The following NIBAN2 variants were observed in gnomAD, a reference collection of about 807,000 sequenced individuals.
NIBAN2 encodes niban apoptosis regulator 2.
Under a neutral mutation model 81.8 loss-of-function variants are expected in NIBAN2, and 36 were observed. The observed-to-expected ratio is 0.44, with a 90% CI of 0.34 to 0.58. The LOEUF (loss-of-function observed/expected upper bound fraction) is 0.58, where lower values mean the gene tolerates loss of function less well. Ranked by LOEUF, NIBAN2 falls within the 20% of genes least tolerant of loss-of-function variation. The pLI is 0.02. For missense variants in NIBAN2, 897 were observed against 1,014.1 expected (o/e 0.88, Z 1.57); for synonymous variants, 445 against 441.6 (o/e 1.01, Z -0.10).
chr9:127,523,903 A>G, intron 4 of NIBAN2, 57 bp from the exon 5 acceptor site: 1 of 1,558,202 alleles, frequency 6.4e-7, no homozygotes. Context: ...CCACCAGAGG[A>G]TGTCAGAGAA....
chr9:127,548,490 ACT>A (rs1428842604), intron 1 of NIBAN2, among the ~76,000 whole-genome samples: 2 of 151,994 alleles, frequency 1.3e-5, no homozygotes, highest in East Asian at 1.9e-4. Context: ...TCTCTCCAAG[ACT>A]CTGCTTCCTG....
Position 127,548,266 on chromosome 9 carries a change from T to A in NIBAN2, c.56-16488A>T, listed in dbSNP as rs191984437. 9.8e-5 allele frequency among the ~76,000 whole-genome samples: 15 copies of A among 152,324 alleles called. No homozygotes were observed. In the East Asian group the frequency reaches 2.9e-3, roughly 29 times the overall value. ...AGCAAGAAACATCAATGAAGACTTC[T>A]GAAAGCCAACACCCAAACGTACCGC... On this transcript the variant is annotated intron_variant, in intron 1 of 13. Transcript: ENST00000373312.
rs1476750464 is a variant in NIBAN2 at position 127,506,358 on chromosome 9, G to C, written c.*487C>G. On this transcript the variant is annotated 3_prime_UTR_variant, in exon 14 of 14. Coordinates refer to ENST00000373312, the MANE Select transcript of NIBAN2 (RefSeq NM_022833.4). ...CCTTCCCTCCAGAACAGTGGGGAAA[G>C]CGAGGCTCGGTCCACCCCTAACTGC... 1.3e-5 allele frequency: 2 copies of C among 153,150 alleles called. No homozygotes were observed. Among genetic ancestry groups the C allele is most frequent in the Non-Finnish European group, 2.9e-5 (2 of 68,752 alleles). The allele number at this position is 153,150 out of a possible 1,614,324, so 9.5% of individuals were successfully genotyped here.
intron 1 of NIBAN2, among the ~76,000 whole-genome samples, chr9:127,554,807 G>A (rs1837639536): frequency 6.6e-6 from 1 of 151,846 alleles, no homozygotes; most frequent in African/African-American, 2.4e-5. Flanking sequence ...GACCTCAGGT[G>A]ATCTGCCCAC....
At position 127,558,809 on chromosome 9, in the gene NIBAN2, G is replaced by A. The variant is rs576037388; in HGVS notation, c.55+10011C>T. Among the ~76,000 whole-genome samples the A allele has an allele frequency of 4.6e-5, 7 of 152,228 alleles. No homozygotes were observed. The East Asian group carries it at 7.7e-4, about 17-fold the overall frequency. On this transcript the variant is annotated intron_variant, in intron 1 of 13. Transcript: ENST00000373312. ...TCACCCCTTAAATCTCTGACAGGCC[G>A]GGCAAAGGACACACAGCTTCCCTAA...
At chr9:127,512,975 C>T (rs1237522202) in intron 8 of NIBAN2, among the ~76,000 whole-genome samples, 1 of 152,120 alleles carries the variant, frequency 6.6e-6, no homozygotes, top group Non-Finnish European at 1.5e-5. Context: ...CCTAAGTGTC[C>T]ATAACAGACG....
intron 1 of NIBAN2, among the ~76,000 whole-genome samples, chr9:127,578,693 A>AAGAAG (rs1457811441): frequency 6.6e-6 from 1 of 151,896 alleles, no homozygotes; most frequent in Non-Finnish European, 1.5e-5. Flanking sequence ...AAGAAAAGAA[A>AAGAAG]AAGAAAAAGA....
chr9:127,544,022 G>C (rs1004800238), intron 1 of NIBAN2, among the ~76,000 whole-genome samples: 2 of 151,720 alleles, frequency 1.3e-5, no homozygotes, highest in Non-Finnish European at 2.9e-5. Context: ...TGACTTTCCC[G>C]ATACTACACA....
At chr9:127,528,533 T>C (rs1402452031) in intron 2 of NIBAN2, among the ~76,000 whole-genome samples, 1 of 151,998 alleles carries the variant, frequency 6.6e-6, no homozygotes, top group Non-Finnish European at 1.5e-5. Flanking sequence ...TCCACCCCCT[T>C]CACCATGTCC....
intron 1 of NIBAN2, among the ~76,000 whole-genome samples, chr9:127,550,082 G>T (rs781679185): frequency 6.6e-6 from 1 of 152,212 alleles, no homozygotes; most frequent in Non-Finnish European, 1.5e-5. Flanking sequence ...TCACTGGCCA[G>T]TGAAATGGGG....
intron 5 of NIBAN2, among the ~76,000 whole-genome samples, chr9:127,522,149 G>A (rs751396664): frequency 2.0e-4 from 31 of 152,222 alleles, no homozygotes; most frequent in Non-Finnish European, 2.2e-4. Flanking sequence ...CACAGTCCCC[G>A]GGACCTGGGA....
chr9:127,546,440 G>T (rs1837473667), intron 1 of NIBAN2, among the ~76,000 whole-genome samples: 1 of 152,160 alleles, frequency 6.6e-6, no homozygotes. Context: ...CTGGACACCT[G>T]CCCTGGGCCT....
At chr9:127,576,764 A>G (rs1838013754) in intron 1 of NIBAN2, among the ~76,000 whole-genome samples, 1 of 150,792 alleles carries the variant, frequency 6.6e-6, no homozygotes, top group Non-Finnish European at 1.5e-5. Flanking sequence ...TTTTTTCCCA[A>G]GACAGAGTCT....
intron 1 of NIBAN2, among the ~76,000 whole-genome samples, chr9:127,551,542 T>A (rs2491103): frequency 0.43 from 64,416 of 148,592 alleles, 14,352 homozygotes; most frequent in East Asian, 0.75. Flanking sequence ...TAAATAAAAA[T>A]ATAAATAAAT....
intron 1 of NIBAN2, among the ~76,000 whole-genome samples, chr9:127,575,674 C>T (rs1303207973): frequency 1.3e-5 from 2 of 151,616 alleles, no homozygotes; most frequent in African/African-American, 4.8e-5. Context: ...GGATTACAGG[C>T]ACCCGCCACT....
chr9:127,577,870 T>C (rs905297585), intron 1 of NIBAN2, among the ~76,000 whole-genome samples: 1 of 152,014 alleles, frequency 6.6e-6, no homozygotes, highest in Non-Finnish European at 1.5e-5. Flanking sequence ...CATGCACCAC[T>C]ACACCTGGCT....
chr9:127,529,060 C>T (rs1837130363), intron 2 of NIBAN2, among the ~76,000 whole-genome samples: 1 of 152,212 alleles, frequency 6.6e-6, no homozygotes. Flanking sequence ...TTTCAAATGG[C>T]AGAGTCGTGT....
rs202140368 is a variant in NIBAN2, at chr9:127,506,947, C to G, written c.2139G>C (p.Lys713Asn). 112 of 1,608,218 alleles carry G rather than the reference C, an allele frequency of 7.0e-5. 1 individual carries two copies. The East Asian group carries it at 1.8e-3, about 26-fold the overall frequency. Reference protein sequence around the residue: ...PGKAVDLGPPKPSDQETGEQV... With the variant: ...PGKAVDLGPPNPSDQETGEQV... Reference sequence around the variant, plus strand: ...GCTCTCCAGTCTCCTGGTCGCTGGGCTTGGGGGGCCCAAGGTCCACAGCCT... The same window carrying G: ...GCTCTCCAGTCTCCTGGTCGCTGGGGTTGGGGGGCCCAAGGTCCACAGCCT... Residue 713 changes from lysine (K) to asparagine (N), a missense_variant, in exon 14 of 14, where the codon AAG (lysine) becomes AAC (asparagine). Transcript: ENST00000373312.
chr9:127,544,961 G>A (rs1837443796), intron 1 of NIBAN2, among the ~76,000 whole-genome samples: 1 of 152,198 alleles, frequency 6.6e-6, no homozygotes, highest in Non-Finnish European at 1.5e-5. Context: ...GGAAACTGAG[G>A]CTGGGGAAAT....
Sources: gnomAD v4.1 joint callset for allele counts (sites outside exome capture counted in the v4.1 genomes callset) on GRCh38, gnomAD v4.1.1 for gene constraint, MANE v1.5 for transcripts, NCBI Gene and HGNC (gene_info 2026-07-23, HGNC 2026-07-21) for gene names.